RHOU: variants seen among roughly 807,000 people sequenced by gnomAD.
The protein encoded by RHOU is ras homolog family member U.
Under a neutral mutation model 12.6 loss-of-function variants are expected in RHOU, and 8 were observed. That is an observed-to-expected ratio of 0.64 (90% CI 0.37 to 1.15). The LOEUF (loss-of-function observed/expected upper bound fraction) is 1.15. Among genes scored for constraint, RHOU ranks in the 50% most tolerant of loss-of-function variants. The probability of loss-of-function intolerance (pLI) is 0.01; values close to 1 mark genes in which losing one functional copy is unlikely to be tolerated. For synonymous variants in RHOU, 161 were observed against 147.4 expected (o/e 1.09, Z -0.67); for missense variants, 258 against 347.0 (o/e 0.74, Z 2.04).
rs1662799198 is a variant in RHOU, at chr1:228,745,034, G to C, written c.*1294G>C. On this transcript the variant is annotated 3_prime_UTR_variant, in exon 3 of 3. Coordinates refer to ENST00000366691, the MANE Select transcript of RHOU (RefSeq NM_021205.6). ...GTTAAAACAACCAGTTAAAGCCACA[G>C]ATGGCTTTCAGGGCAGTAGCAGCAG... 6.6e-6 allele frequency: 1 copy of C among 152,214 alleles called. No homozygotes were observed. Among genetic ancestry groups the C allele is most frequent in the Non-Finnish European group, 1.5e-5 (1 of 68,034 alleles). The allele number at this position is 152,214 out of a possible 1,614,324, so 9.4% of individuals were successfully genotyped here. A position where few individuals can be genotyped will look rare whatever the true frequency, so the allele number is the denominator to read the frequency against.
At position 228,743,415 on chromosome 1, in the gene RHOU, G is replaced by C; in HGVS notation, c.452G>C (p.Cys151Ser). ...EKWVPEIRCH[C>S]PKAPIILVGT... is the part of the protein sequence containing the mutation. ...TGGGTGCCGGAGATTCGATGCCACT[G>C]TCCCAAAGCCCCCATCATCCTAGTT... is the stretch of plus-strand genomic sequence containing the variant. The change falls in exon 3 of 3, where the codon TGT (cysteine) becomes TCT (serine). Residue 151 changes from cysteine to serine, a missense_variant. Coordinates refer to ENST00000366691, the MANE Select transcript of RHOU (RefSeq NM_021205.6). This position sits in a 1 kb window ranked among gnomAD's most constrained non-coding sequence, Gnocchi z 5.1. The C allele has an allele frequency of 1.2e-6, 2 of 1,614,148 alleles. No individual in the cohort carries two copies. The highest frequency in any genetic ancestry group is 1.7e-6 in the Non-Finnish European group (2 of 1,180,022).
chr1:228,647,640 A>T, the RHOU span, among the ~76,000 whole-genome samples: 1 of 152,040 alleles, frequency 6.6e-6, no homozygotes, highest in Non-Finnish European at 1.5e-5. Context: ...TGGATCCGGG[A>T]GCGGGAAGGC....
In RHOU at chr1:228,745,116, T is replaced by G. The variant is rs1258460545; in HGVS notation, c.*1376T>G. ...CGGGGCGTGTAGCCAGCCAGGTGCA[T>G]GCCGGGACCATGGCCCCCATACTTG... On this transcript the variant is annotated 3_prime_UTR_variant, in exon 3 of 3. Coordinates refer to ENST00000366691, the MANE Select transcript of RHOU (RefSeq NM_021205.6). 1.3e-5 allele frequency: 2 copies of G among 152,222 alleles called. No individual in the cohort carries two copies. The highest frequency in any genetic ancestry group is 4.8e-5 in the African/African-American group (2 of 41,452). 9.4% of individuals were successfully genotyped at this position (152,222 alleles called of 1,614,324 possible). A position where few individuals can be genotyped will look rare whatever the true frequency, so the allele number is the denominator to read the frequency against.
chr1:228,687,597 G>T, the RHOU span: 1 of 1,571,092 alleles, frequency 6.4e-7, no homozygotes, highest in African/African-American at 1.3e-5. Flanking sequence ...ATTACATTTG[G>T]AAAAAAGTGT....
At chr1:228,683,025 G>A in the RHOU span, among the ~76,000 whole-genome samples, 2 of 152,198 alleles carry the variant, frequency 1.3e-5, no homozygotes. Flanking sequence ...CTCATTAGGA[G>A]AGGATGTTAA....
At chr1:228,694,009 A>G in the RHOU span, among the ~76,000 whole-genome samples, 1 of 152,200 alleles carries the variant, frequency 6.6e-6, no homozygotes, top group Non-Finnish European at 1.5e-5. Context: ...TTAATTCTAG[A>G]CAGTGCCAGA....
the RHOU span, among the ~76,000 whole-genome samples, chr1:228,672,210 C>T: frequency 6.6e-6 from 1 of 152,314 alleles, no homozygotes; most frequent in South Asian, 2.1e-4. Context: ...TCTTGTTGCC[C>T]AGGCTGGAGT....
At chr1:228,702,040 G>T in the RHOU span, among the ~76,000 whole-genome samples, 1 of 151,948 alleles carries the variant, frequency 6.6e-6, no homozygotes, top group African/African-American at 2.4e-5. Flanking sequence ...TTCATTAACA[G>T]ATCTACATAT....
the RHOU span, chr1:228,650,893 T>G: frequency 2.6e-6 from 1 of 382,796 alleles, no homozygotes; most frequent in Non-Finnish European, 5.1e-6. Context: ...AAGACCCACC[T>G]ACATACGAAT....
the RHOU span, chr1:228,650,964 A>C: frequency 2.9e-6 from 1 of 346,466 alleles, no homozygotes; most frequent in Non-Finnish European, 5.7e-6. Flanking sequence ...GAAGCAATAG[A>C]CTTCATTGAC....
At chr1:228,703,879 G>A in the RHOU span, among the ~76,000 whole-genome samples, 648 of 152,284 alleles carry the variant, frequency 4.3e-3, 3 homozygotes, top group Non-Finnish European at 6.9e-3. Context: ...TGGGACCTAT[G>A]TCAGGCACCC....
Position 228,743,845 on chromosome 1 carries a change from T to C in RHOU, c.*105T>C. 14 of 936,692 alleles carry C rather than the reference T, an allele frequency of 1.5e-5. No homozygotes were observed. Among genetic ancestry groups the C allele is most frequent in the Non-Finnish European group, 1.9e-5 (12 of 626,114 alleles). 58.0% of individuals were successfully genotyped at this position (936,692 alleles called of 1,614,324 possible). ...CTGCGTAGAACCTATATCGAGAGTG[T>C]GTGTATATGTATTATAGGAGGAGCT... is the stretch of plus-strand genomic sequence containing the variant. On this transcript the variant is annotated 3_prime_UTR_variant, in exon 3 of 3. Coordinates refer to ENST00000366691, the MANE Select transcript of RHOU (RefSeq NM_021205.6). The surrounding 1 kb of genome is among the most constrained non-coding windows in gnomAD (Gnocchi z 5.1).
the RHOU span, among the ~76,000 whole-genome samples, chr1:228,647,147 G>C: frequency 3.9e-5 from 6 of 152,228 alleles, no homozygotes; most frequent in East Asian, 1.2e-3. Context: ...GGTTTGAGCT[G>C]TGCCTGAGCA....
chr1:228,661,667 C>A, the RHOU span, among the ~76,000 whole-genome samples: 1 of 152,140 alleles, frequency 6.6e-6, no homozygotes, highest in Admixed American at 6.6e-5. Context: ...ACACCTTATA[C>A]AAAAATTAAT....
the RHOU span, among the ~76,000 whole-genome samples, chr1:228,661,269 T>C: frequency 6.6e-6 from 1 of 152,118 alleles, no homozygotes; most frequent in African/African-American, 2.4e-5. Context: ...CCCAAGGTAA[T>C]TTATAGATTC....
At chr1:228,666,864 A>G in the RHOU span, among the ~76,000 whole-genome samples, 2 of 152,192 alleles carry the variant, frequency 1.3e-5, no homozygotes, top group Non-Finnish European at 2.9e-5. Flanking sequence ...GCCCTCCCAG[A>G]GATTTCCCCA....
chr1:228,744,006 GTT>G lies in RHOU; in HGVS notation c.*267_*268del, dbSNP rs1179017237. On this transcript the variant is annotated 3_prime_UTR_variant, in exon 3 of 3. Coordinates refer to ENST00000366691, the MANE Select transcript of RHOU (RefSeq NM_021205.6). ...GGAAATTTAGAGTTCTAGACCTCTG[GTT>G]AATTTATATCTAATATGAAGAAGAC... is the stretch of plus-strand genomic sequence containing the variant. 5 of 366,228 alleles carry G rather than the reference GTT, an allele frequency of 1.4e-5. No homozygotes were observed. The highest frequency in any genetic ancestry group is 2.5e-5 in the Non-Finnish European group (5 of 202,780). The allele number at this position is 366,228 out of a possible 1,614,324, so 22.7% of individuals were successfully genotyped here. A position where few individuals can be genotyped will look rare whatever the true frequency, so the allele number is the denominator to read the frequency against.
the RHOU span, among the ~76,000 whole-genome samples, chr1:228,654,654 T>C: frequency 1.3e-5 from 2 of 152,334 alleles, no homozygotes; most frequent in East Asian, 1.9e-4. Context: ...AATGACATAA[T>C]TGAAATTTCA....
At chr1:228,661,968 TAAAC>T in the RHOU span, among the ~76,000 whole-genome samples, 1 of 152,036 alleles carries the variant, frequency 6.6e-6, no homozygotes, top group South Asian at 2.1e-4. Flanking sequence ...ACAGAGAACT[TAAAC>T]AAATTTACAA....
Sources: allele counts gnomAD v4.1 joint callset (sites outside exome capture counted in the v4.1 genomes callset), GRCh38; gene constraint gnomAD v4.1.1; non-coding constraint Gnocchi (gnomAD v3.1); transcripts MANE v1.5; gene names NCBI Gene and HGNC (gene_info 2026-07-23, HGNC 2026-07-21).